Variants in UBE2E3 observed in about 807,000 individuals in gnomAD.
UBE2E3 encodes ubiquitin-conjugating enzyme E2 E3.
Under a neutral mutation model 23.6 loss-of-function variants are expected in UBE2E3, and 5 were observed. That is an observed-to-expected ratio of 0.21 (90% CI 0.11 to 0.44). The LOEUF is 0.44. Ranked by LOEUF, UBE2E3 falls within the 20% of genes least tolerant of loss-of-function variation. UBE2E3 has a pLI of 0.99. For synonymous variants in UBE2E3, 78 were observed against 87.5 expected (o/e 0.89, Z 0.60); for missense variants, 81 against 249.8 (o/e 0.32, Z 4.55).
At chr2:180,987,220 A>G (rs1458368876) in intron 3 of UBE2E3, 1 of 1,109,222 alleles carries the variant, frequency 9.0e-7, no homozygotes, top group Non-Finnish European at 1.3e-6. Flanking sequence ...TTATACATCA[A>G]TGAGAGTCAA....
intron 3 of UBE2E3, among the ~76,000 whole-genome samples, chr2:181,037,575 A>G (rs1686336559): frequency 6.6e-6 from 1 of 152,202 alleles, no homozygotes; most frequent in South Asian, 2.1e-4. Context: ...TTATAGACAA[A>G]TACAAAGGAA....
chr2:181,040,956 G>GA (rs1398110733), intron 3 of UBE2E3, among the ~76,000 whole-genome samples: 1 of 152,026 alleles, frequency 6.6e-6, no homozygotes, highest in African/African-American at 2.4e-5. Flanking sequence ...TTTCTCCAAA[G>GA]AAATGCTTCA....
At chr2:181,006,507 T>G (rs1358541631) in intron 3 of UBE2E3, among the ~76,000 whole-genome samples, 3 of 151,996 alleles carry the variant, frequency 2.0e-5, no homozygotes, top group Admixed American at 2.0e-4. Flanking sequence ...AACAATAATT[T>G]TTATAAGTAT....
intron 3 of UBE2E3, among the ~76,000 whole-genome samples, chr2:181,035,619 C>T (rs530786366): frequency 9.7e-4 from 147 of 152,294 alleles, no homozygotes; most frequent in African/African-American, 3.5e-3. Context: ...GGGTCACATG[C>T]GTCCCAGGAC....
intron 3 of UBE2E3, chr2:180,987,229 A>T (rs1684503639): frequency 8.2e-7 from 1 of 1,214,822 alleles, no homozygotes; most frequent in Admixed American, 2.5e-5. Context: ...AATGAGAGTC[A>T]AGGGAAATTG....
intron 3 of UBE2E3, among the ~76,000 whole-genome samples, chr2:181,015,393 A>G (rs1029692806): frequency 2.6e-5 from 4 of 152,178 alleles, no homozygotes; most frequent in African/African-American, 7.2e-5. Context: ...CATTTTGTCA[A>G]TAACTACAGT....
chr2:181,007,246 T>C (rs1355953824), intron 3 of UBE2E3, among the ~76,000 whole-genome samples: 1 of 152,208 alleles, frequency 6.6e-6, no homozygotes, highest in Non-Finnish European at 1.5e-5. Flanking sequence ...CCCTGCAGGT[T>C]TTCAGAATTT....
At position 181,016,738 on chromosome 2, in the gene UBE2E3, T is replaced by TA. The variant is rs1685502339; in HGVS notation, c.245+32648dup. Reference sequence around the variant, plus strand: ...TTATGATTTACTAGAAATTTTTCTTTAAATGTGTATTCATATATTTTACTT... The same window carrying TA: ...TTATGATTTACTAGAAATTTTTCTTTAAAATGTGTATTCATATATTTTACTT... On this transcript the variant is annotated intron_variant, in intron 3 of 5. Coordinates refer to ENST00000410062, the MANE Select transcript of UBE2E3 (RefSeq NM_006357.4). Among the ~76,000 whole-genome samples, 5 of 152,336 alleles carry TA rather than the reference T, an allele frequency of 3.3e-5. 1 individual carries two copies. In the South Asian group the frequency reaches 1.0e-3, roughly 32 times the overall value.
chr2:180,987,336 A>G, intron 3 of UBE2E3: 1 of 1,549,838 alleles, frequency 6.5e-7, no homozygotes, highest in Non-Finnish European at 8.7e-7. Flanking sequence ...TCTGTTTCCC[A>G]GAGGGTGTCC....
intron 2 of UBE2E3, among the ~76,000 whole-genome samples, chr2:180,982,907 G>C (rs1684346760): frequency 6.6e-6 from 1 of 152,140 alleles, no homozygotes; most frequent in Admixed American, 6.5e-5. Flanking sequence ...TCTTCACTCT[G>C]AAACTTGTGG....
chr2:181,014,302 G>GTGT (rs1685423272), intron 3 of UBE2E3, among the ~76,000 whole-genome samples: 1 of 152,172 alleles, frequency 6.6e-6, no homozygotes, highest in Non-Finnish European at 1.5e-5. Context: ...TGGAAATGGA[G>GTGT]TGTTGCTAGT....
intron 3 of UBE2E3, among the ~76,000 whole-genome samples, chr2:181,019,256 G>A (rs577126804): frequency 7.9e-5 from 12 of 152,164 alleles, no homozygotes; most frequent in Non-Finnish European, 1.3e-4. Flanking sequence ...CGCCGCACCC[G>A]GCCTAGCTCT....
At position 181,009,120 on chromosome 2, in the gene UBE2E3, A is replaced by G. The variant is rs367724096; in HGVS notation, c.245+25027A>G. On this transcript the variant is annotated intron_variant, in intron 3 of 5. Coordinates refer to ENST00000410062, the MANE Select transcript of UBE2E3 (RefSeq NM_006357.4). ...TATTTCTTCTAGCCAGTTCTTCTAC[A>G]TTTTGTCACTTGTCCTTCTCCTTTA... Among the ~76,000 whole-genome samples the G allele has an allele frequency of 2.4e-4, 36 of 152,200 alleles. 2 individuals carry two copies. The highest frequency in any genetic ancestry group is 7.0e-4 in the African/African-American group (29 of 41,548).
intron 3 of UBE2E3, among the ~76,000 whole-genome samples, chr2:180,995,739 A>ATT (rs781291410): frequency 8.0e-6 from 1 of 125,408 alleles, no homozygotes; most frequent in Non-Finnish European, 1.7e-5. Flanking sequence ...TTCAGGCTGG[A>ATT]TTTTTTTTTT....
intron 3 of UBE2E3, among the ~76,000 whole-genome samples, chr2:181,047,196 C>T (rs1202512546): frequency 6.6e-6 from 1 of 152,152 alleles, no homozygotes; most frequent in Non-Finnish European, 1.5e-5. Flanking sequence ...AATCTCTCCT[C>T]TGCTTTGTTT....
At chr2:181,057,898 G>A in intron 4 of UBE2E3, 73 bp downstream of exon 4, 3 of 1,427,588 alleles carry the variant, frequency 2.1e-6, no homozygotes, top group East Asian at 2.3e-5. Flanking sequence ...GAACTTAAAT[G>A]TGTATTGATG....
At chr2:181,009,962 C>G (rs1191775633) in intron 3 of UBE2E3, among the ~76,000 whole-genome samples, 3 of 151,982 alleles carry the variant, frequency 2.0e-5, no homozygotes, top group Non-Finnish European at 4.4e-5. Context: ...TTATTCTTCT[C>G]AAGTGTATTT....
intron 3 of UBE2E3, among the ~76,000 whole-genome samples, chr2:181,023,476 G>GAT (rs1685772411): frequency 6.6e-6 from 1 of 152,072 alleles, no homozygotes; most frequent in South Asian, 2.1e-4. Context: ...CCTTTCATTT[G>GAT]ATAATAAGGA....
At chr2:181,041,666 G>T (rs903540849) in intron 3 of UBE2E3, among the ~76,000 whole-genome samples, 1 of 147,212 alleles carries the variant, frequency 6.8e-6, no homozygotes, top group African/African-American at 2.5e-5. Context: ...TCGAACTCCT[G>T]ACCTTATGAT....
Sources: gnomAD v4.1 joint callset for allele counts (sites outside exome capture counted in the v4.1 genomes callset) on GRCh38, gnomAD v4.1.1 for gene constraint, MANE v1.5 for transcripts, NCBI Gene and HGNC (gene_info 2026-07-23, HGNC 2026-07-21) for gene names.